SGPP1: variants seen among roughly 807,000 people sequenced by gnomAD.
SGPP1 encodes sphingosine-1-phosphate phosphatase 1, also known as hSPP1.
A neutral mutation model predicts 33.0 loss-of-function variants in SGPP1; 21 were observed. The ratio of observed to expected loss-of-function variants is 0.64; its 90% confidence interval spans 0.45 to 0.92. The LOEUF (loss-of-function observed/expected upper bound fraction) is 0.92. Among genes scored for constraint, SGPP1 ranks in the 40% least tolerant of loss-of-function variants. The pLI, the probability that SGPP1 is intolerant of heterozygous loss-of-function variation, is 0.00. For synonymous variants in SGPP1, 239 were observed against 241.2 expected (o/e 0.99, Z 0.08); for missense variants, 543 against 589.4 (o/e 0.92, Z 0.81).
intron 2 of SGPP1, among the ~76,000 whole-genome samples, chr14:63,693,616 TTTTTA>T (rs1256229051): frequency 1.3e-5 from 2 of 152,122 alleles, no homozygotes; most frequent in African/African-American, 4.8e-5. Flanking sequence ...TTATTAATTA[TTTTTA>T]TTTTTATTTT....
At chr14:63,714,415 A>T (rs930774144) in intron 1 of SGPP1, among the ~76,000 whole-genome samples, 1 of 151,830 alleles carries the variant, frequency 6.6e-6, no homozygotes, top group Non-Finnish European at 1.5e-5. Context: ...TTAACTCTTT[A>T]TTTTTTTTAA....
At chr14:63,688,723 T>C (rs933359490) in intron 2 of SGPP1, among the ~76,000 whole-genome samples, 7 of 127,930 alleles carry the variant, frequency 5.5e-5, no homozygotes, top group Non-Finnish European at 9.3e-5. Flanking sequence ...TCTTTTTTTT[T>C]TCTTTTTTTT....
chr14:63,700,755 G>C (rs1025136610), intron 1 of SGPP1, among the ~76,000 whole-genome samples: 6 of 152,126 alleles, frequency 3.9e-5, no homozygotes, highest in African/African-American at 1.4e-4. Flanking sequence ...CTACATTTTG[G>C]ATTCACTTAC....
intron 1 of SGPP1, among the ~76,000 whole-genome samples, chr14:63,719,737 C>A (rs7149181): frequency 0.058 from 8,291 of 141,908 alleles, 272 homozygotes; most frequent in Admixed American, 0.098. Context: ...CTCTCTCTCT[C>A]TATATATATA....
chr14:63,724,878 T>C (rs1488728293), intron 1 of SGPP1, among the ~76,000 whole-genome samples: 1 of 141,784 alleles, frequency 7.1e-6, no homozygotes, highest in East Asian at 2.1e-4. Context: ...CGAGACTCCG[T>C]CTTAAAAAAA....
In SGPP1 at chr14:63,685,999, G is replaced by T; in HGVS notation, c.*106C>A. On this transcript the variant is annotated 3_prime_UTR_variant, in exon 3 of 3. Coordinates refer to ENST00000247225, the MANE Select transcript of SGPP1 (RefSeq NM_030791.4). The stretch of plus-strand genomic sequence containing the variant: ...TGAATTTACTTAAATAATTATTTAA[G>T]TTAAATTCCTGCAAAAGCCTAATTC... The T allele has an allele frequency of 1.6e-6, 1 of 629,670 alleles. No homozygotes were observed. The highest frequency in any genetic ancestry group is 2.6e-6 in the Non-Finnish European group (1 of 379,656). 39.0% of individuals were successfully genotyped at this position (629,670 alleles called of 1,614,324 possible).
Position 63,718,662 on chromosome 14 carries a change from A to C in SGPP1, c.684+8599T>G, listed in dbSNP as rs1469189908. Reference sequence around the variant, plus strand: ...CTAATGTAATATTATTTTAAGGTGAAGCAACCACTAAAAAAAGATACAGTT... The same window carrying C: ...CTAATGTAATATTATTTTAAGGTGACGCAACCACTAAAAAAAGATACAGTT... On this transcript the variant is annotated intron_variant, in intron 1 of 2. Coordinates refer to ENST00000247225, the MANE Select transcript of SGPP1 (RefSeq NM_030791.4). 5.9e-5 allele frequency among the ~76,000 whole-genome samples: 9 copies of C among 152,040 alleles called. No individual in the cohort carries two copies. In the East Asian group the frequency reaches 1.2e-3, roughly 20 times the overall value.
chr14:63,713,555 T>C lies in SGPP1; in HGVS notation c.684+13706A>G, dbSNP rs568081555. The stretch of plus-strand genomic sequence containing the variant: ...TCCTGAATGTTGAAATCCCAAAAGA[T>C]CAAAATCTCTAAAGTCTAAAATCTC... On this transcript the variant is annotated intron_variant, in intron 1 of 2. Coordinates refer to ENST00000247225, the MANE Select transcript of SGPP1 (RefSeq NM_030791.4). 3.2e-4 allele frequency among the ~76,000 whole-genome samples: 49 copies of C among 152,174 alleles called. No homozygotes were observed. In the South Asian group the frequency reaches 9.3e-3, roughly 29 times the overall value.
Position 63,724,616 on chromosome 14 carries a change from TAAAAAAAAAAAA to T in SGPP1, c.684+2633_684+2644del, listed in dbSNP as rs34386504. Among the ~76,000 whole-genome samples the T allele has an allele frequency of 4.0e-4, 34 of 85,000 alleles. 1 individual carries two copies. The highest frequency in any genetic ancestry group is 3.9e-3 in the Admixed American group (30 of 7,664). The allele number at this position is 85,000 out of a possible 152,430, so 55.8% of individuals were successfully genotyped here. On this transcript the variant is annotated intron_variant, in intron 1 of 2. Transcript: ENST00000247225. The stretch of plus-strand genomic sequence containing the variant: ...GTTTTCAATAGATAACAAGGATCTT[TAAAAAAAAAAAA>T]AAAAAAAAAAAAAGGAAAAGGAAAA...
At chr14:63,715,234 C>T (rs184254298) in intron 1 of SGPP1, among the ~76,000 whole-genome samples, 3 of 151,148 alleles carry the variant, frequency 2.0e-5, no homozygotes, top group East Asian at 2.0e-4. Flanking sequence ...AGGCTGGTCT[C>T]GAACTCCTGA....
intron 1 of SGPP1, among the ~76,000 whole-genome samples, chr14:63,707,491 T>C (rs1885439885): frequency 6.6e-6 from 1 of 151,674 alleles, no homozygotes; most frequent in African/African-American, 2.4e-5. Flanking sequence ...AATATAGACG[T>C]CCAGGCAGTT....
intron 1 of SGPP1, among the ~76,000 whole-genome samples, chr14:63,724,716 G>A (rs1444496421): frequency 6.7e-6 from 1 of 149,470 alleles, no homozygotes; most frequent in East Asian, 2.0e-4. Context: ...GTGGTGGGGA[G>A]GCCGATGAGC....
chr14:63,719,509 T>C lies in SGPP1; in HGVS notation c.684+7752A>G, dbSNP rs756465004. 7.2e-5 allele frequency among the ~76,000 whole-genome samples: 11 copies of C among 152,156 alleles called. No homozygotes were observed. The South Asian group carries it at 1.0e-3, about 14-fold the overall frequency. On this transcript the variant is annotated intron_variant, in intron 1 of 2. Coordinates refer to ENST00000247225, the MANE Select transcript of SGPP1 (RefSeq NM_030791.4). ...ATGCCTATATTCTTTGACATAGTAA[T>C]GTGTTCCAGTAAACAGTCACTGTGT...
At chr14:63,692,306 T>G (rs1265259506) in intron 2 of SGPP1, among the ~76,000 whole-genome samples, 1 of 152,258 alleles carries the variant, frequency 6.6e-6, no homozygotes, top group Non-Finnish European at 1.5e-5. Flanking sequence ...ATCAACCAGT[T>G]TTTAAATAAT....
At chr14:63,699,640 G>A (rs1157084578) in intron 1 of SGPP1, among the ~76,000 whole-genome samples, 1 of 152,016 alleles carries the variant, frequency 6.6e-6, no homozygotes, top group East Asian at 1.9e-4. Context: ...TCCCAGGTGT[G>A]ATAATAGCAT....
intron 1 of SGPP1, among the ~76,000 whole-genome samples, chr14:63,725,714 ATGTG>A (rs1885865275): frequency 6.6e-6 from 1 of 152,214 alleles, no homozygotes; most frequent in Non-Finnish European, 1.5e-5. Context: ...TCCAGTTAGT[ATGTG>A]TCCAGAACAA....
intron 1 of SGPP1, among the ~76,000 whole-genome samples, chr14:63,723,594 C>G (rs1885819800): frequency 6.6e-6 from 1 of 151,942 alleles, no homozygotes; most frequent in African/African-American, 2.4e-5. Context: ...TGGTGTGCGC[C>G]TGTAGTCCCA....
chr14:63,722,493 T>C (rs892683164), intron 1 of SGPP1, among the ~76,000 whole-genome samples: 1 of 151,388 alleles, frequency 6.6e-6, no homozygotes. Flanking sequence ...ATCGCACCAC[T>C]GCACTCCAGC....
chr14:63,685,384 T>C lies in SGPP1; in HGVS notation c.*721A>G, dbSNP rs952984093. 5 of 152,494 alleles carry C rather than the reference T, an allele frequency of 3.3e-5. No individual in the cohort carries two copies. The highest frequency in any genetic ancestry group is 7.2e-5 in the African/African-American group (3 of 41,446). 9.4% of individuals were successfully genotyped at this position (152,494 alleles called of 1,614,324 possible). On this transcript the variant is annotated 3_prime_UTR_variant, in exon 3 of 3. Coordinates refer to ENST00000247225, the MANE Select transcript of SGPP1 (RefSeq NM_030791.4). ...ACAATTAGCAAGCAATAAAATTCAG[T>C]ACCTGAATTATTAAACTGACATCCA...
Sources: gnomAD v4.1 joint callset for allele counts (sites outside exome capture counted in the v4.1 genomes callset) on GRCh38, gnomAD v4.1.1 for gene constraint, MANE v1.5 for transcripts, NCBI Gene and HGNC (gene_info 2026-07-23, HGNC 2026-07-21) for gene names.